Variants in LNX2 observed in about 807,000 individuals in gnomAD.
LNX2 encodes the protein ligand of Numb protein X 2.
In LNX2, 35 loss-of-function variants were observed where a neutral mutation model predicts 66.2. The ratio of observed to expected loss-of-function variants is 0.53; its 90% CI spans 0.40 to 0.70. The LOEUF (loss-of-function observed/expected upper bound fraction) is 0.70, where lower values mean the gene tolerates loss of function less well. Among genes scored for constraint, LNX2 ranks in the 30% least tolerant of loss-of-function variants. The pLI, the probability that LNX2 is intolerant of heterozygous loss-of-function variation, is 0.00. For missense variants in LNX2, 791 were observed against 850.8 expected (o/e 0.93, Z 0.87); for synonymous variants, 337 against 315.6 (o/e 1.07, Z -0.72).
At chr13:27,568,874 G>A (rs1050977793) in intron 3 of LNX2, among the ~76,000 whole-genome samples, 155 bp downstream of exon 3, 4 of 152,082 alleles carry the variant, frequency 2.6e-5, no homozygotes, top group African/African-American at 9.7e-5. Flanking sequence ...AAGGGTGAAT[G>A]ATGTATATAA....
At chr13:27,585,671 G>A (rs563840000) in intron 1 of LNX2, among the ~76,000 whole-genome samples, 122 of 151,888 alleles carry the variant, frequency 8.0e-4, no homozygotes, top group African/African-American at 2.7e-3. Context: ...ATTTTAATAC[G>A]GAATTTCTGC....
intron 4 of LNX2, among the ~76,000 whole-genome samples, chr13:27,566,507 C>A (rs1300775211): frequency 6.6e-6 from 1 of 152,080 alleles, no homozygotes; most frequent in Non-Finnish European, 1.5e-5. Context: ...CGTGGAGGAC[C>A]CTGACTATTA....
At chr13:27,574,960 G>T (rs1210123416) in intron 2 of LNX2, among the ~76,000 whole-genome samples, 4 of 152,152 alleles carry the variant, frequency 2.6e-5, no homozygotes, top group African/African-American at 9.7e-5. Flanking sequence ...TCTCAACCAG[G>T]AAGTCTATAT....
chr13:27,591,289 T>C (rs1955544117), intron 1 of LNX2, among the ~76,000 whole-genome samples: 1 of 152,210 alleles, frequency 6.6e-6, no homozygotes, highest in African/African-American at 2.4e-5. Context: ...CAAATATCCC[T>C]GCAAAATACA....
At chr13:27,618,491 C>T (rs750277398) in intron 1 of LNX2, among the ~76,000 whole-genome samples, 28 of 150,092 alleles carry the variant, frequency 1.9e-4, no homozygotes, top group Non-Finnish European at 3.6e-4. Flanking sequence ...ATCTGGAAGC[C>T]CACCATCCTC....
At chr13:27,550,234 A>C in intron 9 of LNX2, 99 bp downstream of exon 9, 2 of 1,066,826 alleles carry the variant, frequency 1.9e-6, no homozygotes, top group Non-Finnish European at 2.7e-6. Flanking sequence ...ATTTTCAAAA[A>C]GATAATGGGC....
At chr13:27,588,395 G>C (rs1247197697) in intron 1 of LNX2, among the ~76,000 whole-genome samples, 2 of 152,166 alleles carry the variant, frequency 1.3e-5, no homozygotes, top group Non-Finnish European at 2.9e-5. Flanking sequence ...ATCTCCAGAA[G>C]ATTATGAGCG....
intron 1 of LNX2, among the ~76,000 whole-genome samples, chr13:27,616,189 G>C (rs541993976): frequency 2.8e-5 from 4 of 143,762 alleles, no homozygotes; most frequent in South Asian, 4.2e-4. Context: ...TGGGGGGTTG[G>C]GGGGGGTAGC....
At chr13:27,594,487 T>C (rs1056156432) in intron 1 of LNX2, among the ~76,000 whole-genome samples, 2 of 152,206 alleles carry the variant, frequency 1.3e-5, no homozygotes, top group Non-Finnish European at 2.9e-5. Context: ...ACTCTTATCT[T>C]CTTCTTCATA....
chr13:27,606,610 T>C lies in LNX2; in HGVS notation c.-101+13765A>G, dbSNP rs1955719949. On this transcript the variant is annotated intron_variant, in intron 1 of 9. Transcript: ENST00000316334. ...AACAGTATGAGTTTTAAAATATCTATGTATTAATATACAGACAGACACATG... is the reference window on the plus strand; with the variant it reads ...AACAGTATGAGTTTTAAAATATCTACGTATTAATATACAGACAGACACATG... Among the ~76,000 whole-genome samples, 2 of 152,176 alleles carry C rather than the reference T, an allele frequency of 1.3e-5. 1 individual carries two copies. The highest frequency in any genetic ancestry group is 2.9e-5 in the Non-Finnish European group (2 of 68,030).
At chr13:27,569,681 C>T (rs995116218) in intron 2 of LNX2, among the ~76,000 whole-genome samples, 1 of 152,220 alleles carries the variant, frequency 6.6e-6, no homozygotes, top group African/African-American at 2.4e-5. Context: ...CAAGTGGTTG[C>T]GTCCTGACTT....
chr13:27,595,541 C>T (rs1016198706), intron 1 of LNX2, among the ~76,000 whole-genome samples: 1 of 152,148 alleles, frequency 6.6e-6, no homozygotes, highest in Non-Finnish European at 1.5e-5. Flanking sequence ...ATTCTTATTC[C>T]CACGACCTCT....
At chr13:27,615,997 C>G (rs1955821542) in intron 1 of LNX2, among the ~76,000 whole-genome samples, 1 of 152,138 alleles carries the variant, frequency 6.6e-6, no homozygotes, top group Non-Finnish European at 1.5e-5. Context: ...TGAGCCAAAT[C>G]TGAGTGACCA....
intron 4 of LNX2, among the ~76,000 whole-genome samples, chr13:27,564,760 T>A (rs1480997918): frequency 6.6e-6 from 1 of 152,208 alleles, no homozygotes; most frequent in African/African-American, 2.4e-5. Context: ...TACTGCCTCT[T>A]CGAGATTTTC....
chr13:27,559,183 T>C (rs1412942069), intron 6 of LNX2, among the ~76,000 whole-genome samples: 3 of 152,098 alleles, frequency 2.0e-5, no homozygotes, highest in Admixed American at 6.5e-5. Context: ...TGAGGTAGCA[T>C]CAAAATTCTC....
chr13:27,616,806 G>A (rs1439376378), intron 1 of LNX2, among the ~76,000 whole-genome samples: 3 of 152,218 alleles, frequency 2.0e-5, no homozygotes, highest in Non-Finnish European at 4.4e-5. Context: ...CTGGAGCGCA[G>A]TGGCGCAATC....
chr13:27,567,382 T>C (rs1305640861), intron 4 of LNX2, among the ~76,000 whole-genome samples: 1 of 151,672 alleles, frequency 6.6e-6, no homozygotes. Context: ...CAAGGAAGAG[T>C]CTAGCTAGCT....
At chr13:27,578,942 T>C (rs1005018722) in intron 2 of LNX2, among the ~76,000 whole-genome samples, 2 of 152,204 alleles carry the variant, frequency 1.3e-5, no homozygotes, top group African/African-American at 4.8e-5. Context: ...GGGTGGTTAG[T>C]TTCTCAGCAA....
At position 27,581,705 on chromosome 13, in the gene LNX2, T is replaced by G. The variant is rs1232298724; in HGVS notation, c.-2A>C. 1.3e-6 allele frequency: 2 copies of G among 1,592,584 alleles called. No homozygotes were observed. Among genetic ancestry groups the G allele is most frequent in the Non-Finnish European group, 1.7e-6 (2 of 1,169,288 alleles). On this transcript the variant is annotated 5_prime_UTR_variant, in exon 2 of 10. Coordinates refer to ENST00000316334, the MANE Select transcript of LNX2 (RefSeq NM_153371.4). Reference sequence around the variant, plus strand: ...CATCTCATCACTTGTTGTTCCCATTTTGAATCAATTCTGTATCCTCATGTG... The same window carrying G: ...CATCTCATCACTTGTTGTTCCCATTGTGAATCAATTCTGTATCCTCATGTG...
Sources: gnomAD v4.1 joint callset for allele counts (sites outside exome capture counted in the v4.1 genomes callset) on GRCh38, gnomAD v4.1.1 for gene constraint, MANE v1.5 for transcripts, NCBI Gene and HGNC (gene_info 2026-07-23, HGNC 2026-07-21) for gene names.